CNTN4: variants seen among roughly 807,000 people sequenced by gnomAD.
CNTN4 encodes the protein contactin-4.
In CNTN4, 77 loss-of-function variants were observed where a neutral mutation model predicts 122.5. That is an observed-to-expected ratio of 0.63 (90% CI 0.52 to 0.76). The LOEUF is 0.76. Among genes scored for constraint, CNTN4 ranks in the 30% least tolerant of loss-of-function variants. The pLI is 0.00. For synonymous variants in CNTN4, 512 were observed against 447.0 expected (o/e 1.15, Z -1.83); for missense variants, 1,256 against 1,259.1 (o/e 1.00, Z 0.04).
chr3:2,574,337 T>C (rs1289633415), intron 4 of CNTN4, among the ~76,000 whole-genome samples: 1 of 152,170 alleles, frequency 6.6e-6, no homozygotes, highest in African/African-American at 2.4e-5. Context: ...TGGTAAGGGA[T>C]ATGTTTACAG....
intron 4 of CNTN4, among the ~76,000 whole-genome samples, chr3:2,621,789 C>A (rs1389040460): frequency 6.6e-6 from 1 of 151,964 alleles, no homozygotes; most frequent in East Asian, 1.9e-4. Flanking sequence ...ATATTAATTC[C>A]ATTTCACAAA....
chr3:3,049,275 G>A (rs940139050), intron 23 of CNTN4, among the ~76,000 whole-genome samples: 3 of 152,188 alleles, frequency 2.0e-5, no homozygotes, highest in African/African-American at 7.2e-5. Flanking sequence ...TAGAGATGGA[G>A]TTTCACCATG....
rs140126986 is a variant in CNTN4 at position 2,881,094 on chromosome 3, T to C, written c.653-2051T>C. 5.9e-4 allele frequency among the ~76,000 whole-genome samples: 90 copies of C among 152,344 alleles called. 1 individual carries two copies. In the Middle Eastern group the frequency reaches 0.024, roughly 40 times the overall value. ...AACTATTATGTTCGAGTTTGCACTA[T>C]TGACAACATACTTTATAGCAAAGTT... On this transcript the variant is annotated intron_variant, in intron 8 of 24. Transcript: ENST00000418658.
intron 4 of CNTN4, among the ~76,000 whole-genome samples, chr3:2,625,314 T>C (rs909391816): frequency 4.6e-5 from 7 of 152,194 alleles, no homozygotes; most frequent in Non-Finnish European, 1.0e-4. Context: ...GTATATTCTA[T>C]TCTAAAACTA....
At chr3:2,571,853 G>T (rs138412851) in intron 4 of CNTN4, among the ~76,000 whole-genome samples, 24 of 151,180 alleles carry the variant, frequency 1.6e-4, no homozygotes, top group Non-Finnish European at 3.4e-4. Context: ...CCAGTGCCCA[G>T]TTGCACAGAG....
At chr3:2,801,679 C>T (rs1320021589) in intron 6 of CNTN4, among the ~76,000 whole-genome samples, 1 of 152,034 alleles carries the variant, frequency 6.6e-6, no homozygotes, top group Non-Finnish European at 1.5e-5. Flanking sequence ...AATTTCATGG[C>T]ATGTCTACTC....
intron 4 of CNTN4, among the ~76,000 whole-genome samples, chr3:2,632,063 C>CGT (rs1284541267): frequency 2.2e-5 from 2 of 90,902 alleles, no homozygotes; most frequent in African/African-American, 9.9e-5. Context: ...AATACACATA[C>CGT]GCACACACAC....
At chr3:2,149,484 G>T (rs938594047) in intron 2 of CNTN4, among the ~76,000 whole-genome samples, 1 of 151,958 alleles carries the variant, frequency 6.6e-6, no homozygotes, top group Non-Finnish European at 1.5e-5. Flanking sequence ...TCCCCTAAAA[G>T]CACCTTCAGG....
chr3:2,488,502 C>T (rs957432844), intron 3 of CNTN4, among the ~76,000 whole-genome samples: 5 of 152,078 alleles, frequency 3.3e-5, no homozygotes, highest in African/African-American at 1.2e-4. Flanking sequence ...AGGGTTGGTT[C>T]CTGCTGGTGC....
intron 3 of CNTN4, among the ~76,000 whole-genome samples, chr3:2,401,285 G>C (rs74957825): frequency 6.6e-6 from 1 of 152,056 alleles, no homozygotes; most frequent in Non-Finnish European, 1.5e-5. Context: ...CAGAGAGCCT[G>C]CTAGGGAAGG....
At chr3:2,487,696 T>C (rs1425650192) in intron 3 of CNTN4, among the ~76,000 whole-genome samples, 2 of 152,226 alleles carry the variant, frequency 1.3e-5, no homozygotes, top group Non-Finnish European at 1.5e-5. Context: ...TTTGGCTAGA[T>C]ACTACATTGA....
At chr3:2,481,049 C>CTT in intron 3 of CNTN4, among the ~76,000 whole-genome samples, 1 of 143,222 alleles carries the variant, frequency 7.0e-6, no homozygotes, top group African/African-American at 2.7e-5. Flanking sequence ...TTCTTTCTTT[C>CTT]TTTCTTTCTT....
chr3:2,295,505 G>A (rs561995946), intron 2 of CNTN4, among the ~76,000 whole-genome samples: 5 of 150,844 alleles, frequency 3.3e-5, no homozygotes, highest in East Asian at 2.0e-4. Flanking sequence ...CATATCCTTC[G>A]CCCACTTTTT....
chr3:2,240,540 A>T (rs922949747), intron 2 of CNTN4, among the ~76,000 whole-genome samples: 2 of 152,128 alleles, frequency 1.3e-5, no homozygotes, highest in Admixed American at 1.3e-4. Context: ...CTGAAATCCT[A>T]TGATTTTATG....
chr3:2,914,308 C>A (rs1577250588), intron 12 of CNTN4, among the ~76,000 whole-genome samples: 1 of 151,424 alleles, frequency 6.6e-6, no homozygotes, highest in Non-Finnish European at 1.5e-5. Flanking sequence ...TATATTAGAG[C>A]AGAGATAAAG....
chr3:2,262,700 G>A lies in CNTN4; in HGVS notation c.-144-76478G>A, dbSNP rs896607467. ...TGGTAACTATCCTGAGACTCAAGATGACTTTAAATAACACTTTTTTAAATA... is the reference window on the plus strand; with the variant it reads ...TGGTAACTATCCTGAGACTCAAGATAACTTTAAATAACACTTTTTTAAATA... On this transcript the variant is annotated intron_variant, in intron 2 of 24. Coordinates refer to ENST00000418658, the MANE Select transcript of CNTN4 (RefSeq NM_175607.3). Among the ~76,000 whole-genome samples the A allele has an allele frequency of 2.0e-5, 3 of 149,866 alleles. No individual in the cohort carries two copies. In the Admixed American group the frequency reaches 2.0e-4, roughly 10 times the overall value.
intron 3 of CNTN4, among the ~76,000 whole-genome samples, chr3:2,463,072 C>T (rs1421349513): frequency 1.3e-5 from 2 of 152,142 alleles, no homozygotes; most frequent in Admixed American, 6.5e-5. Flanking sequence ...AGTTGTTGGA[C>T]GCGGTGTCTT....
At chr3:3,045,227 A>T (rs6442774) in intron 23 of CNTN4, among the ~76,000 whole-genome samples, 2 of 152,134 alleles carry the variant, frequency 1.3e-5, no homozygotes, top group African/African-American at 2.4e-5. Context: ...AACAAAAGGC[A>T]GCAGAAACCT....
chr3:2,719,758 T>C (rs1262103846), intron 4 of CNTN4, among the ~76,000 whole-genome samples: 1 of 152,076 alleles, frequency 6.6e-6, no homozygotes, highest in East Asian at 1.9e-4. Flanking sequence ...GAAAAGTTAA[T>C]TTACATAGAA....
Sources: gnomAD v4.1 joint callset for allele counts (sites outside exome capture counted in the v4.1 genomes callset) on GRCh38, gnomAD v4.1.1 for gene constraint, MANE v1.5 for transcripts, NCBI Gene and HGNC (gene_info 2026-07-23, HGNC 2026-07-21) for gene names.